Variants in DIS3L2 observed in about 807,000 individuals in gnomAD.
The protein encoded by DIS3L2 is DIS3-like exonuclease 2.
DIS3L2 carries 34 observed loss-of-function variants against 97.5 expected under a neutral mutation model. That is an observed-to-expected ratio of 0.35 (90% confidence interval 0.27 to 0.46). DIS3L2 has a LOEUF of 0.46. Ranked by LOEUF, DIS3L2 falls within the 20% of genes least tolerant of loss-of-function variation. DIS3L2 has a pLI of 1.00. For synonymous variants in DIS3L2, 435 were observed against 445.2 expected (o/e 0.98, Z 0.29); for missense variants, 1,038 against 1,146.0 (o/e 0.91, Z 1.36).
intron 6 of DIS3L2, among the ~76,000 whole-genome samples, chr2:232,116,010 A>G (rs1697695258): frequency 1.3e-5 from 2 of 152,024 alleles, no homozygotes; most frequent in Admixed American, 1.3e-4. Context: ...TGTTTCTACT[A>G]AAAATACAAA....
At chr2:232,020,037 G>A (rs1439058325) in intron 3 of DIS3L2, among the ~76,000 whole-genome samples, 1 of 151,892 alleles carries the variant, frequency 6.6e-6, no homozygotes, top group African/African-American at 2.4e-5. Flanking sequence ...TCAGCTAGTA[G>A]AACAGCAGCA....
rs1370565961 is a variant in DIS3L2, at chr2:232,287,397, C to A, written c.1660-12643C>A. On this transcript the variant is annotated intron_variant, in intron 13 of 20. Transcript: ENST00000325385. ...CTTTCCTTCCCCCCGCGCCCCCCCC[C>A]CCCCCCGCTTTTATTACATAGAGAC... Among the ~76,000 whole-genome samples, 4 of 67,092 alleles carry A rather than the reference C, an allele frequency of 6.0e-5. 1 individual carries two copies. Among genetic ancestry groups the A allele is most frequent in the African/African-American group, 2.7e-4 (4 of 14,842 alleles). 44.0% of individuals were successfully genotyped at this position (67,092 alleles called of 152,430 possible).
intron 10 of DIS3L2, among the ~76,000 whole-genome samples, chr2:232,216,080 G>C (rs1474621340): frequency 6.6e-6 from 1 of 152,174 alleles, no homozygotes; most frequent in African/African-American, 2.4e-5. Flanking sequence ...TCCAGCTCTA[G>C]AACTTTCACT....
At chr2:232,336,279 C>T (rs866384754) in intron 20 of DIS3L2, 190 bp from the exon 21 acceptor site, 6 of 1,546,326 alleles carry the variant, frequency 3.9e-6, no homozygotes, top group Middle Eastern at 1.7e-4. Context: ...GCTCAGGATG[C>T]ATCTGACTCC....
chr2:232,145,774 C>T (rs937034062), intron 8 of DIS3L2, among the ~76,000 whole-genome samples: 2 of 152,060 alleles, frequency 1.3e-5, no homozygotes, highest in Non-Finnish European at 2.9e-5. Context: ...AATAGTATGC[C>T]TCTCTAATAG....
At chr2:232,081,473 C>T (rs907054951) in intron 5 of DIS3L2, among the ~76,000 whole-genome samples, 11 of 137,240 alleles carry the variant, frequency 8.0e-5, no homozygotes, top group East Asian at 2.2e-4. Flanking sequence ...GGCAAAATGG[C>T]GATACCGAAA....
chr2:232,216,329 G>C (rs1692330783), intron 10 of DIS3L2, among the ~76,000 whole-genome samples: 2 of 152,172 alleles, frequency 1.3e-5, no homozygotes, highest in South Asian at 4.1e-4. Flanking sequence ...GACCCTGCCT[G>C]CTCTTGGCTC....
chr2:232,061,602 A>G lies in DIS3L2; in HGVS notation c.367-25885A>G, dbSNP rs181206933. Among the ~76,000 whole-genome samples, 524 of 152,340 alleles carry G rather than the reference A, an allele frequency of 3.4e-3. 5 individuals are homozygous for G. The highest frequency in any genetic ancestry group is 0.012 in the African/African-American group (510 of 41,580). ...TTCTTCAACATTCAATCTCATAAGCAGATTGCCTCCAGGATAATTTTATAT... is the reference window on the plus strand; with the variant it reads ...TTCTTCAACATTCAATCTCATAAGCGGATTGCCTCCAGGATAATTTTATAT... On this transcript the variant is annotated intron_variant, in intron 5 of 20. Coordinates refer to ENST00000325385, the MANE Select transcript of DIS3L2 (RefSeq NM_152383.5).
rs767543794 is a variant in DIS3L2 at position 232,330,819 on chromosome 2, C to T, written c.2010+43C>T. 2.0e-5 allele frequency: 32 copies of T among 1,575,326 alleles called. No individual in the cohort carries two copies. The African/African-American group carries it at 3.9e-4, about 19-fold the overall frequency. ...CCGGCCTCCCCTGCTCCCAGGAGCACACTAGCCCCAGACCTGTGACCTCCA... is the reference window on the plus strand; with the variant it reads ...CCGGCCTCCCCTGCTCCCAGGAGCATACTAGCCCCAGACCTGTGACCTCCA... On this transcript the variant is annotated intron_variant, in intron 16 of 20. Transcript: ENST00000325385.
At chr2:232,077,951 C>CTT (rs756033797) in intron 5 of DIS3L2, among the ~76,000 whole-genome samples, 257 of 143,378 alleles carry the variant, frequency 1.8e-3, no homozygotes, top group South Asian at 0.015. Context: ...CTTTTTCTTT[C>CTT]TTTCTCTTTC....
At chr2:232,185,357 G>A (rs1341305587) in intron 9 of DIS3L2, among the ~76,000 whole-genome samples, 1 of 152,178 alleles carries the variant, frequency 6.6e-6, no homozygotes, top group Non-Finnish European at 1.5e-5. Flanking sequence ...ACTGGTTAAA[G>A]AGGAAATCTT....
At position 232,016,762 on chromosome 2, in the gene DIS3L2, T is replaced by C. The variant is rs372415848; in HGVS notation, c.210+1091T>C. Among the ~76,000 whole-genome samples the C allele has an allele frequency of 6.6e-5, 10 of 152,276 alleles. No individual in the cohort carries two copies. In the East Asian group the frequency reaches 1.9e-3, roughly 29 times the overall value. On this transcript the variant is annotated intron_variant, in intron 3 of 20. Transcript: ENST00000325385. ...TAATACTTTCATTAGTATAGAAATATTGCCATGTGCTACCTGGCTCACTTG... is the reference window on the plus strand; with the variant it reads ...TAATACTTTCATTAGTATAGAAATACTGCCATGTGCTACCTGGCTCACTTG...
At chr2:232,308,906 A>G (rs1695052307) in intron 14 of DIS3L2, among the ~76,000 whole-genome samples, 2 of 152,114 alleles carry the variant, frequency 1.3e-5, no homozygotes, top group African/African-American at 4.8e-5. Flanking sequence ...TGTGTTTATC[A>G]TGGAGGATGT....
intron 8 of DIS3L2, among the ~76,000 whole-genome samples, chr2:232,160,868 A>C (rs988100124): frequency 6.6e-6 from 1 of 151,804 alleles, no homozygotes; most frequent in Non-Finnish European, 1.5e-5. Flanking sequence ...AAATAGAATT[A>C]GTTTTTTGTT....
chr2:232,224,876 C>CA (rs1692602397), intron 10 of DIS3L2, among the ~76,000 whole-genome samples: 1 of 149,700 alleles, frequency 6.7e-6, no homozygotes, highest in African/African-American at 2.5e-5. Flanking sequence ...GTTGAAAAGG[C>CA]AAGCCACAGA....
chr2:232,317,388 T>C (rs1695305032), intron 14 of DIS3L2, among the ~76,000 whole-genome samples: 1 of 152,158 alleles, frequency 6.6e-6, no homozygotes, highest in Admixed American at 6.5e-5. Flanking sequence ...CAGTATTTGC[T>C]CTTTTTTCCT....
chr2:232,149,318 G>C (rs1690329216), intron 8 of DIS3L2, among the ~76,000 whole-genome samples: 1 of 142,472 alleles, frequency 7.0e-6, no homozygotes, highest in Admixed American at 7.0e-5. Context: ...TCTAGCATTA[G>C]GTATATCTCC....
rs1406654341 is a variant in DIS3L2 at position 232,336,572 on chromosome 2, G to T, written c.2600G>T (p.Gly867Val). ...CGGCCAGGCACCCAGGGCCACCTGG[G>T]CCCTGAGAAGGAGGAGGAGGAGTCT... ...LKRPGTQGHLGPEKEEEESDG... is the reference protein window; with the variant it reads ...LKRPGTQGHLVPEKEEEESDG... Residue 867 changes from glycine to valine, a missense_variant, in exon 21 of 21, where the codon GGC (glycine) becomes GTC (valine). Around this residue, in one of 3 missense-constraint regions of DIS3L2, gnomAD observed 221 missense variants for 246.9 expected, o/e 0.90. Coordinates refer to ENST00000325385, the MANE Select transcript of DIS3L2 (RefSeq NM_152383.5). 1 of 1,609,138 alleles carries T rather than the reference G, an allele frequency of 6.2e-7. No homozygotes were observed.
chr2:232,333,760 A>C, intron 16 of DIS3L2, 80 bp from the exon 17 acceptor site: 54 of 1,417,364 alleles, frequency 3.8e-5, no homozygotes, highest in Admixed American at 3.0e-4. Flanking sequence ...GCCGACGGTG[A>C]GGCTGTGGGT....
Sources: allele counts gnomAD v4.1 joint callset (sites outside exome capture counted in the v4.1 genomes callset), GRCh38; gene constraint gnomAD v4.1.1; regional missense constraint gnomAD v4.1.1; transcripts MANE v1.5; gene names NCBI Gene and HGNC (gene_info 2026-07-23, HGNC 2026-07-21).